The following PARD3B variants were observed in gnomAD, a reference collection of about 807,000 sequenced individuals.
PARD3B encodes par-3 family cell polarity regulator beta.
A neutral mutation model predicts 130.2 loss-of-function variants in PARD3B; 103 were observed. That is an observed-to-expected ratio of 0.79 (90% CI 0.67 to 0.93). PARD3B has a LOEUF of 0.93. PARD3B is among the 40% of genes least tolerant of loss of function. The pLI, the probability that PARD3B is intolerant of heterozygous loss-of-function variation, is 0.00. For missense variants in PARD3B, 1,609 were observed against 1,499.2 expected (o/e 1.07, Z -1.21); for synonymous variants, 583 against 553.2 (o/e 1.05, Z -0.76).
intron 3 of PARD3B, among the ~76,000 whole-genome samples, chr2:205,002,969 A>G (rs964550298): frequency 2.0e-5 from 3 of 152,216 alleles, no homozygotes; most frequent in South Asian, 2.1e-4. Flanking sequence ...AACACCCAGC[A>G]CTTGCACTGG....
intron 2 of PARD3B, among the ~76,000 whole-genome samples, chr2:204,847,897 A>G (rs1048123673): frequency 6.6e-6 from 1 of 152,168 alleles, no homozygotes; most frequent in African/African-American, 2.4e-5. Context: ...TCTTCTATCA[A>G]TGAGATTGTG....
Position 204,610,509 on chromosome 2 carries a change from C to T in PARD3B, c.120+64390C>T, listed in dbSNP as rs549453538. On this transcript the variant is annotated intron_variant, in intron 1 of 22. Transcript: ENST00000406610. The surrounding 1 kb of genome is among the most constrained non-coding windows in gnomAD (Gnocchi z 4.1). ...TGGCTGGGATTACAGATGCACACCA[C>T]CATGCCCAGCTAATTTTTGTATTTT... 1.3e-5 allele frequency among the ~76,000 whole-genome samples: 2 copies of T among 152,282 alleles called. No homozygotes were observed. The highest frequency in any genetic ancestry group is 4.8e-5 in the African/African-American group (2 of 41,562).
chr2:204,722,684 G>A (rs938051089), intron 2 of PARD3B, among the ~76,000 whole-genome samples: 2 of 152,108 alleles, frequency 1.3e-5, no homozygotes, highest in Admixed American at 1.3e-4. Context: ...TTTGGTCCTT[G>A]TTAATAAGGA....
chr2:205,193,258 C>A lies in PARD3B; in HGVS notation c.2078C>A (p.Ser693Tyr), dbSNP rs1239202993. The A allele has an allele frequency of 6.2e-6, 10 of 1,613,710 alleles. No homozygotes were observed. Among genetic ancestry groups the A allele is most frequent in the Non-Finnish European group, 7.6e-6 (9 of 1,179,724 alleles). The change falls in exon 15 of 23, where the codon TCT (serine) becomes TAT (tyrosine). Residue 693 changes from serine to tyrosine, a missense_variant. Physicochemically the swap from Ser to Tyr is moderately radical, Grantham distance 144 (BLOSUM62 -2). Transcript: ENST00000406610. ...YFPDQHINFR[S>Y]VTPARQPESI... is the part of the protein sequence containing the mutation. ...CCAGATCAGCACATCAACTTCAGAT[C>A]TGTGACACCGGCCAGGCAGCCTGAA...
chr2:204,613,281 A>G (rs200779751), intron 1 of PARD3B, among the ~76,000 whole-genome samples: 2 of 152,256 alleles, frequency 1.3e-5, no homozygotes, highest in South Asian at 2.1e-4. Flanking sequence ...GCAGTATGCT[A>G]TTATTTTCAG....
At chr2:205,409,118 T>A (rs2046509520) in intron 19 of PARD3B, among the ~76,000 whole-genome samples, 1 of 152,176 alleles carries the variant, frequency 6.6e-6, no homozygotes. Context: ...AAGGACATGT[T>A]CTCTTTTTAT....
At chr2:204,908,588 C>G (rs1317943574) in intron 2 of PARD3B, among the ~76,000 whole-genome samples, 2 of 152,100 alleles carry the variant, frequency 1.3e-5, no homozygotes, top group African/African-American at 4.8e-5. Flanking sequence ...CTACAAAAAA[C>G]AAAAGTCTAT....
rs958791924 is a variant in PARD3B, at chr2:205,584,644, C to T, written c.3261-30812C>T. Reference sequence around the variant, plus strand: ...AGTGAGCCAAGATTGCACCACTGCACTGTAGCCTGGGCAACAGAGCAAAAC... The same window carrying T: ...AGTGAGCCAAGATTGCACCACTGCATTGTAGCCTGGGCAACAGAGCAAAAC... On this transcript the variant is annotated intron_variant, in intron 22 of 22. Coordinates refer to ENST00000406610, the MANE Select transcript of PARD3B (RefSeq NM_001302769.2). The surrounding 1 kb of genome is among the most constrained non-coding windows in gnomAD (Gnocchi z 5.5). Among the ~76,000 whole-genome samples, 2 of 152,032 alleles carry T rather than the reference C, an allele frequency of 1.3e-5. No homozygotes were observed. Among genetic ancestry groups the T allele is most frequent in the Admixed American group, 1.3e-4 (2 of 15,260 alleles).
chr2:204,817,647 A>G (rs1435108982), intron 2 of PARD3B, among the ~76,000 whole-genome samples: 1 of 152,092 alleles, frequency 6.6e-6, no homozygotes. Context: ...CTCTGGAGTT[A>G]TTTCTTTGTG....
rs371904121 is a variant in PARD3B, at chr2:205,168,320, A to AGAGAGAGAGAGAGAGAGAGTGT, written c.1621-3890_1621-3889insAGAGAGAGAGAGAGAGAGTGTG. Among the ~76,000 whole-genome samples, 220 of 119,726 alleles carry AGAGAGAGAGAGAGAGAGAGTGT rather than the reference A, an allele frequency of 1.8e-3. 5 individuals carry two copies. The highest frequency in any genetic ancestry group is 0.012 in the East Asian group (46 of 3,998). 78.5% of individuals were successfully genotyped at this position (119,726 alleles called of 152,430 possible). A position where few individuals can be genotyped will look rare whatever the true frequency, so the allele number is the denominator to read the frequency against. On this transcript the variant is annotated intron_variant, in intron 11 of 22. Coordinates refer to ENST00000406610, the MANE Select transcript of PARD3B (RefSeq NM_001302769.2). ...GAGAGAGAGAGAGAGAGAGAGAGAG[A>AGAGAGAGAGAGAGAGAGAGTGT]GTGTGTGTGTGTGAATATTGCAAGC... is the stretch of plus-strand genomic sequence containing the variant.
chr2:205,053,816 T>C (rs558071728), intron 4 of PARD3B, among the ~76,000 whole-genome samples: 1 of 150,656 alleles, frequency 6.6e-6, no homozygotes, highest in Non-Finnish European at 1.5e-5. Flanking sequence ...GAGAGATGGA[T>C]GCTGAAGAGC....
rs2035546916 is a variant in PARD3B at position 204,653,406 on chromosome 2, A to T, written c.121-32775A>T. The stretch of plus-strand genomic sequence containing the variant: ...TAAATACAATGTGTTTTTGATAAAC[A>T]CCTGTCAGAGCACTGTGTTGCTATA... On this transcript the variant is annotated intron_variant, in intron 1 of 22. Transcript: ENST00000406610. Among the ~76,000 whole-genome samples the T allele has an allele frequency of 1.3e-5, 2 of 151,028 alleles. 1 individual carries two copies. The highest frequency in any genetic ancestry group is 4.1e-4 in the South Asian group (2 of 4,830).
At chr2:204,738,285 C>T (rs1051163917) in intron 2 of PARD3B, among the ~76,000 whole-genome samples, 1 of 151,818 alleles carries the variant, frequency 6.6e-6, no homozygotes, top group Admixed American at 6.6e-5. Context: ...GATCTTTTAC[C>T]TCCCGCATTA....
chr2:205,124,735 C>G (rs2031181944), intron 9 of PARD3B, among the ~76,000 whole-genome samples: 1 of 152,172 alleles, frequency 6.6e-6, no homozygotes, highest in South Asian at 2.1e-4. Flanking sequence ...ATTTCTACCT[C>G]TTAGAGTCCC....
At position 205,292,761 on chromosome 2, in the gene PARD3B, G is replaced by A. The variant is rs1559628681; in HGVS notation, c.2186-7769G>A. On this transcript the variant is annotated intron_variant, in intron 16 of 22. Transcript: ENST00000406610. This position sits in a 1 kb window ranked among gnomAD's most constrained non-coding sequence, Gnocchi z 5.3. ...TGAATTTGGGTAAGATCAATTGTGT[G>A]TGATTAGACTTCACTTTGTACAGGA... 6.6e-6 allele frequency among the ~76,000 whole-genome samples: 1 copy of A among 152,232 alleles called. No individual in the cohort carries two copies. The highest frequency in any genetic ancestry group is 1.5e-5 in the Non-Finnish European group (1 of 68,020).
intron 5 of PARD3B, among the ~76,000 whole-genome samples, chr2:205,104,898 T>G (rs1198602057): frequency 6.6e-6 from 1 of 152,174 alleles, no homozygotes; most frequent in Non-Finnish European, 1.5e-5. Flanking sequence ...TAAATTTAGC[T>G]CTTTGAGTGC....
chr2:205,364,185 G>C lies in PARD3B; in HGVS notation c.2631-36828G>C, dbSNP rs148726668. Among the ~76,000 whole-genome samples the C allele has an allele frequency of 5.4e-4, 82 of 152,274 alleles. 2 individuals carry two copies. In the East Asian group the frequency reaches 0.011, roughly 21 times the overall value. On this transcript the variant is annotated intron_variant, in intron 18 of 22. Transcript: ENST00000406610. Reference sequence around the variant, plus strand: ...TTTGTCTATTGACTTTATTCCAAGCGTAAAAACACTTAGACGTGTTCAAAG... The same window carrying C: ...TTTGTCTATTGACTTTATTCCAAGCCTAAAAACACTTAGACGTGTTCAAAG...
At chr2:204,601,220 G>A (rs1559178281) in intron 1 of PARD3B, among the ~76,000 whole-genome samples, 1 of 151,804 alleles carries the variant, frequency 6.6e-6, no homozygotes, top group Non-Finnish European at 1.5e-5. Flanking sequence ...TTTCTAATAA[G>A]GATTAGTTGG....
At chr2:205,444,123 C>A (rs2047822388) in intron 20 of PARD3B, among the ~76,000 whole-genome samples, 1 of 152,162 alleles carries the variant, frequency 6.6e-6, no homozygotes, top group African/African-American at 2.4e-5. Context: ...GCTGGGACTA[C>A]CGGCACAAGC....
Sources: gnomAD v4.1 joint callset for allele counts (sites outside exome capture counted in the v4.1 genomes callset) on GRCh38, gnomAD v4.1.1 for gene constraint, Gnocchi (gnomAD v3.1) non-coding constraint, MANE v1.5 for transcripts, NCBI Gene and HGNC (gene_info 2026-07-23, HGNC 2026-07-21) for gene names.